GRM8: variants seen among roughly 807,000 people sequenced by gnomAD.
The protein encoded by GRM8 is glutamate metabotropic receptor 8, also known as metabotropic glutamate receptor 8.
Under a neutral mutation model 87.2 loss-of-function variants are expected in GRM8, and 47 were observed. That is an observed-to-expected ratio of 0.54 (90% confidence interval 0.43 to 0.69). GRM8 has a LOEUF of 0.69. GRM8 is among the 30% of genes least tolerant of loss of function. The pLI is 0.00. For missense variants in GRM8, 1,019 were observed against 1,139.2 expected, an observed-to-expected ratio of 0.89 and a Z score of 1.52; for synonymous variants, 396 against 404.5, an observed-to-expected ratio of 0.98 and a Z score of 0.25.
At chr7:127,050,713 C>T (rs1219624441) in intron 3 of GRM8, among the ~76,000 whole-genome samples, 1 of 152,202 alleles carries the variant, frequency 6.6e-6, no homozygotes, top group Non-Finnish European at 1.5e-5. Context: ...TCTGATAACT[C>T]TGCAACTTTT....
At chr7:126,956,461 G>C (rs1808691665) in intron 3 of GRM8, among the ~76,000 whole-genome samples, 1 of 152,156 alleles carries the variant, frequency 6.6e-6, no homozygotes, top group African/African-American at 2.4e-5. Flanking sequence ...TAAATGCTAA[G>C]TTTCAATTTG....
chr7:126,790,170 G>T (rs946503177), intron 6 of GRM8, among the ~76,000 whole-genome samples: 10 of 152,054 alleles, frequency 6.6e-5, no homozygotes, highest in Admixed American at 2.0e-4. Flanking sequence ...ACAATGCTCA[G>T]CTAATTTTTG....
In GRM8 at chr7:126,910,894, T is replaced by C. The variant is rs145564987; in HGVS notation, c.728-6211A>G. Among the ~76,000 whole-genome samples the C allele has an allele frequency of 2.2e-3, 333 of 152,288 alleles. 3 individuals are homozygous for C. Among genetic ancestry groups the C allele is most frequent in the African/African-American group, 7.6e-3 (317 of 41,562 alleles). ...AAGAAAATAGACTTGTCAGAAGACC[T>C]GAGAGTGGCCCCACATAATCTTGAA... On this transcript the variant is annotated intron_variant, in intron 3 of 10. Transcript: ENST00000339582.
chr7:127,112,954 A>C (rs956733989), intron 2 of GRM8, among the ~76,000 whole-genome samples: 1 of 152,178 alleles, frequency 6.6e-6, no homozygotes, highest in South Asian at 2.1e-4. Flanking sequence ...TCTTATCTTT[A>C]TCTGTAAGAT....
At chr7:126,527,476 C>G (rs1814043240) in intron 9 of GRM8, among the ~76,000 whole-genome samples, 1 of 152,210 alleles carries the variant, frequency 6.6e-6, no homozygotes, top group Admixed American at 6.5e-5. Flanking sequence ...ATCATTTTTA[C>G]TGCCCTCCTT....
chr7:126,521,808 AT>A (rs1813026883), intron 9 of GRM8, among the ~76,000 whole-genome samples: 1 of 152,190 alleles, frequency 6.6e-6, no homozygotes, highest in Non-Finnish European at 1.5e-5. Context: ...TGGATGCATC[AT>A]TTACAAATAA....
chr7:126,731,748 T>G (rs1813606553), intron 7 of GRM8, among the ~76,000 whole-genome samples: 2 of 152,088 alleles, frequency 1.3e-5, no homozygotes, highest in South Asian at 4.1e-4. Context: ...TTCATATAAT[T>G]TCTATCATAA....
chr7:126,835,517 GAGCAGTTTGATA>G (rs1311981324), intron 6 of GRM8, among the ~76,000 whole-genome samples: 1 of 152,110 alleles, frequency 6.6e-6, no homozygotes, highest in African/African-American at 2.4e-5. Flanking sequence ...GCACATTGTA[GAGCAGTTTGATA>G]AGCATTAAAA....
chr7:126,443,119 A>G (rs1346128220), intron 10 of GRM8, among the ~76,000 whole-genome samples: 1 of 152,030 alleles, frequency 6.6e-6, no homozygotes, highest in African/African-American at 2.4e-5. Flanking sequence ...TAAGCTAGAA[A>G]AAACAAATCT....
At chr7:126,449,658 A>G (rs1172359659) in intron 9 of GRM8, among the ~76,000 whole-genome samples, 1 of 151,832 alleles carries the variant, frequency 6.6e-6, no homozygotes, top group Non-Finnish European at 1.5e-5. Flanking sequence ...TGAACTCAAG[A>G]CCATATTTAC....
At chr7:127,219,878 G>A (rs767702568) in intron 2 of GRM8, among the ~76,000 whole-genome samples, 5 of 152,004 alleles carry the variant, frequency 3.3e-5, no homozygotes, top group Non-Finnish European at 7.4e-5. Context: ...GCTGACCTGG[G>A]AGCAAACAGA....
chr7:126,617,742 CAGAG>C (rs1297908093), intron 7 of GRM8, among the ~76,000 whole-genome samples: 3 of 152,148 alleles, frequency 2.0e-5, no homozygotes, highest in African/African-American at 7.2e-5. Context: ...AACAGACAAA[CAGAG>C]AGCCAAATCA....
intron 7 of GRM8, among the ~76,000 whole-genome samples, chr7:126,650,880 G>A (rs1201988613): frequency 6.6e-6 from 1 of 152,046 alleles, no homozygotes; most frequent in East Asian, 1.9e-4. Flanking sequence ...GGTTACGCAT[G>A]GGCTCAGCAA....
intron 3 of GRM8, among the ~76,000 whole-genome samples, chr7:127,038,420 T>C (rs189615624): frequency 5.5e-4 from 84 of 152,218 alleles, no homozygotes; most frequent in African/African-American, 1.9e-3. Flanking sequence ...AAAGAAAATA[T>C]AGCATATAAA....
At chr7:126,879,737 T>C (rs1435833714) in intron 6 of GRM8, among the ~76,000 whole-genome samples, 2 of 152,340 alleles carry the variant, frequency 1.3e-5, no homozygotes, top group African/African-American at 4.8e-5. Context: ...ACTAATTTTT[T>C]CACATCCTTA....
intron 6 of GRM8, among the ~76,000 whole-genome samples, chr7:126,848,932 T>C (rs991511420): frequency 6.6e-6 from 1 of 152,174 alleles, no homozygotes; most frequent in Non-Finnish European, 1.5e-5. Context: ...CTCACAATCA[T>C]GGTGGAAGGC....
chr7:126,910,125 T>C (rs1803139211), intron 3 of GRM8, among the ~76,000 whole-genome samples: 1 of 152,296 alleles, frequency 6.6e-6, no homozygotes, highest in Non-Finnish European at 1.5e-5. Context: ...ATGCAGATTA[T>C]AGAAGTGACT....
chr7:127,172,856 CT>C (rs1301084288), intron 2 of GRM8, among the ~76,000 whole-genome samples: 2 of 152,152 alleles, frequency 1.3e-5, no homozygotes, highest in African/African-American at 4.8e-5. Context: ...TGCAAACATG[CT>C]TTGTACCAAC....
chr7:126,920,265 T>C (rs1283780306), intron 3 of GRM8, among the ~76,000 whole-genome samples: 1 of 152,134 alleles, frequency 6.6e-6, no homozygotes, highest in Non-Finnish European at 1.5e-5. Context: ...CCTCCAGAAC[T>C]GTGATAAATA....
Sources: gnomAD v4.1 joint callset for allele counts (sites outside exome capture counted in the v4.1 genomes callset) on GRCh38, gnomAD v4.1.1 for gene constraint, MANE v1.5 for transcripts, NCBI Gene and HGNC (gene_info 2026-07-23, HGNC 2026-07-21) for gene names.